The following MKLN1 variants were observed in gnomAD, a reference collection of about 807,000 sequenced individuals.
MKLN1 encodes muskelin.
In MKLN1, 18 loss-of-function variants were observed where a neutral mutation model predicts 99.0. The ratio of observed to expected loss-of-function variants is 0.18; its 90% CI spans 0.13 to 0.27. The LOEUF (loss-of-function observed/expected upper bound fraction) is 0.27. Ranked by LOEUF, MKLN1 falls within the 10% of genes least tolerant of loss-of-function variation. The probability of loss-of-function intolerance (pLI) is 1.00; values close to 1 mark genes in which losing one functional copy is unlikely to be tolerated. For missense variants in MKLN1, 621 were observed against 875.9 expected (o/e 0.71, Z 3.67); for synonymous variants, 288 against 293.2 (o/e 0.98, Z 0.18).
chr7:131,478,313 A>G (rs1562886414), intron 16 of MKLN1, among the ~76,000 whole-genome samples: 9 of 152,198 alleles, frequency 5.9e-5, no homozygotes, highest in Admixed American at 5.2e-4. Context: ...TTCAAATGAC[A>G]GTTTTCTTTT....
Position 131,388,962 on chromosome 7 carries a change from C to T in MKLN1, c.390C>T (p.Phe130=), listed in dbSNP as rs1319894543. ...ATGAACAGATGTTCCCTTGTCGATT[C>T]ATTAAAATAGGTAAGATTTTAGCAT... ...KIDEQMFPCR[F]IKIVPLLSWG... The change falls in exon 4 of 18, where the codon TTC becomes TTT. Residue 130 remains phenylalanine, a synonymous_variant. Transcript: ENST00000352689. The T allele has an allele frequency of 1.3e-6, 2 of 1,597,778 alleles. No individual in the cohort carries two copies. The highest frequency in any genetic ancestry group is 1.7e-6 in the Non-Finnish European group (2 of 1,169,078).
chr7:131,415,448 A>T (rs1397639585), intron 8 of MKLN1, among the ~76,000 whole-genome samples: 1 of 152,160 alleles, frequency 6.6e-6, no homozygotes, highest in African/African-American at 2.4e-5. Flanking sequence ...ATAATTAAGA[A>T]TAAAAATGGT....
intron 2 of MKLN1, among the ~76,000 whole-genome samples, chr7:131,169,817 T>C (rs1796190586): frequency 6.6e-6 from 1 of 152,210 alleles, no homozygotes; most frequent in African/African-American, 2.4e-5. Flanking sequence ...AAATTCACTG[T>C]AATGGGGATG....
chr7:131,418,409 G>T (rs936177203), intron 8 of MKLN1, among the ~76,000 whole-genome samples: 1 of 151,362 alleles, frequency 6.6e-6, no homozygotes, highest in East Asian at 1.9e-4. Context: ...TAAATCAGGG[G>T]TGTTCAATCT....
chr7:131,185,972 C>G (rs1029835954), intron 2 of MKLN1, among the ~76,000 whole-genome samples: 3 of 149,032 alleles, frequency 2.0e-5, no homozygotes, highest in African/African-American at 7.5e-5. Context: ...GTGGGCAGAT[C>G]ATGAGGTCAA....
intron 3 of MKLN1, among the ~76,000 whole-genome samples, chr7:131,312,280 T>A (rs1208012340): frequency 6.6e-6 from 1 of 152,046 alleles, no homozygotes; most frequent in African/African-American, 2.4e-5. Context: ...ACCTCACCCT[T>A]CCAAAGTGCT....
chr7:131,481,166 C>T (rs1797111745), intron 17 of MKLN1, among the ~76,000 whole-genome samples: 2 of 152,186 alleles, frequency 1.3e-5, no homozygotes, highest in Non-Finnish European at 2.9e-5. Context: ...ATTATATAGC[C>T]TAGTGATTAG....
chr7:131,386,569 C>T (rs914200542), intron 2 of MKLN1, among the ~76,000 whole-genome samples: 3 of 152,124 alleles, frequency 2.0e-5, no homozygotes, highest in African/African-American at 4.8e-5. Context: ...GTGATGTTCT[C>T]TATTTAATTG....
At chr7:131,303,237 A>G (rs143939469) in intron 3 of MKLN1, among the ~76,000 whole-genome samples, 3 of 152,338 alleles carry the variant, frequency 2.0e-5, no homozygotes, top group South Asian at 2.1e-4. Context: ...TTGGATGCCA[A>G]TAGGAAAACG....
At chr7:131,431,848 T>C (rs181187851) in intron 9 of MKLN1, among the ~76,000 whole-genome samples, 2 of 152,356 alleles carry the variant, frequency 1.3e-5, no homozygotes, top group South Asian at 2.1e-4. Context: ...GCTGGAATTA[T>C]TCAACTTTCT....
At chr7:131,377,824 TA>T (rs1563319149) in intron 2 of MKLN1, among the ~76,000 whole-genome samples, 3 of 152,224 alleles carry the variant, frequency 2.0e-5, no homozygotes, top group Non-Finnish European at 4.4e-5. Flanking sequence ...CGACGGGTAT[TA>T]CATCAGATAC....
intron 3 of MKLN1, among the ~76,000 whole-genome samples, chr7:131,219,052 G>A (rs188911814): frequency 1.3e-5 from 2 of 152,260 alleles, no homozygotes; most frequent in East Asian, 3.9e-4. Flanking sequence ...GAAGCTGGGG[G>A]AGGAAGGAGA....
chr7:131,201,281 A>G (rs899849083), intron 2 of MKLN1, among the ~76,000 whole-genome samples: 4 of 152,136 alleles, frequency 2.6e-5, no homozygotes, highest in East Asian at 1.9e-4. Context: ...CGGCCTCCCA[A>G]AGTGCTGGGA....
chr7:131,457,078 G>T (rs998533963), intron 12 of MKLN1, among the ~76,000 whole-genome samples: 1 of 152,098 alleles, frequency 6.6e-6, no homozygotes, highest in Non-Finnish European at 1.5e-5. Flanking sequence ...GGGAGTTTGA[G>T]ACCAGCCTGA....
chr7:131,440,769 A>C (rs1302790958), intron 10 of MKLN1, among the ~76,000 whole-genome samples: 1 of 152,194 alleles, frequency 6.6e-6, no homozygotes. Flanking sequence ...AATGGAAAAA[A>C]CAAATATTTA....
At chr7:131,402,800 G>A (rs369664808) in intron 6 of MKLN1, among the ~76,000 whole-genome samples, 1 of 152,258 alleles carries the variant, frequency 6.6e-6, no homozygotes, top group Admixed American at 6.5e-5. Context: ...TGAGCAGTAG[G>A]TCTCAACAGT....
intron 2 of MKLN1, among the ~76,000 whole-genome samples, chr7:131,187,040 G>A (rs1186667643): frequency 6.6e-6 from 1 of 152,190 alleles, no homozygotes; most frequent in Non-Finnish European, 1.5e-5. Context: ...AGGGAACTCC[G>A]AGTAGGCAAG....
chr7:131,133,019 G>A (rs1563226190), intron 1 of MKLN1, among the ~76,000 whole-genome samples: 1 of 150,550 alleles, frequency 6.6e-6, no homozygotes, highest in Non-Finnish European at 1.5e-5. Context: ...ATATTTTTAG[G>A]CCCTGAAGTA....
At chr7:131,385,508 C>G (rs1793986678) in intron 2 of MKLN1, among the ~76,000 whole-genome samples, 1 of 152,148 alleles carries the variant, frequency 6.6e-6, no homozygotes, top group Non-Finnish European at 1.5e-5. Flanking sequence ...AGTTTCTTTA[C>G]ATCTTTGTCA....
Sources: gnomAD v4.1 joint callset for allele counts (sites outside exome capture counted in the v4.1 genomes callset) on GRCh38, gnomAD v4.1.1 for gene constraint, MANE v1.5 for transcripts, NCBI Gene and HGNC (gene_info 2026-07-23, HGNC 2026-07-21) for gene names.